Variants in GNA12 observed in about 807,000 individuals in gnomAD.
The protein encoded by GNA12 is guanine nucleotide-binding protein subunit alpha-12.
In GNA12, 9 loss-of-function variants were observed where a neutral mutation model predicts 26.0. That is an observed-to-expected ratio of 0.35 (90% CI 0.21 to 0.60). The LOEUF (loss-of-function observed/expected upper bound fraction) is 0.60. Ranked by LOEUF, GNA12 falls within the 20% of genes least tolerant of loss-of-function variation. The pLI is 0.78. For missense variants in GNA12, 405 were observed against 525.8 expected (o/e 0.77, Z 2.25); for synonymous variants, 264 against 219.6 (o/e 1.20, Z -1.79).
rs767909415 is a variant in GNA12, at chr7:2,843,975, G to A, written c.187C>T (p.Leu63=). 3.2e-6 allele frequency: 5 copies of A among 1,587,142 alleles called. No individual in the cohort carries two copies. Among genetic ancestry groups the A allele is most frequent in the Non-Finnish European group, 4.3e-6 (5 of 1,168,838 alleles). Residue 63 remains leucine, a synonymous_variant, in exon 1 of 4, where the codon CTG becomes TTG. Coordinates refer to ENST00000275364, the MANE Select transcript of GNA12 (RefSeq NM_007353.3). ...GACTTGCCGCTCTCGCCCGCGCCCA[G>A]CAGCAGGATCTTCACCAGGCGCCGG... ...AVRRLVKILL[L]GAGESGKSTF...
Position 2,844,134 on chromosome 7 carries a change from G to T in GNA12, c.28C>A (p.Arg10Ser). 1 of 986,986 alleles carries T rather than the reference G, an allele frequency of 1.0e-6. No individual in the cohort carries two copies. 61.1% of individuals were successfully genotyped at this position (986,986 alleles called of 1,614,324 possible). MSGVVRTLS[R>S]CLLPAEAGGA... is the part of the protein sequence containing the mutation. ...CCGGCCTCGGCCGGCAGCAGGCAGC[G>T]GCTGAGGGTCCGCACCACCCCGGAC... Residue 10 changes from arginine to serine, a missense_variant, in exon 1 of 4, where the codon CGC becomes AGC. Arg to Ser is a moderately radical substitution (Grantham distance 110). Transcript: ENST00000275364.
At chr7:2,768,409 C>G (rs541173039) in intron 2 of GNA12, among the ~76,000 whole-genome samples, 26 of 152,180 alleles carry the variant, frequency 1.7e-4, no homozygotes, top group African/African-American at 5.8e-4. Context: ...TAGCAAGCTA[C>G]GTTTTTCCTA....
At chr7:2,838,714 A>G (rs1320980550) in intron 1 of GNA12, among the ~76,000 whole-genome samples, 2 of 152,256 alleles carry the variant, frequency 1.3e-5, no homozygotes, top group Admixed American at 1.3e-4. Context: ...GGAGAAATAT[A>G]TATTATGAAA....
intron 1 of GNA12, among the ~76,000 whole-genome samples, chr7:2,825,093 CA>C (rs1227199465): frequency 6.6e-6 from 1 of 152,212 alleles, no homozygotes; most frequent in Non-Finnish European, 1.5e-5. Context: ...AGACTGCCAC[CA>C]AAAGACAGGT....
intron 2 of GNA12, among the ~76,000 whole-genome samples, chr7:2,743,909 G>A (rs1462345751): frequency 1.3e-5 from 2 of 152,128 alleles, no homozygotes; most frequent in South Asian, 4.2e-4. Flanking sequence ...CACCCAAGGA[G>A]TCTTGCTCAT....
intron 2 of GNA12, among the ~76,000 whole-genome samples, chr7:2,785,216 A>G (rs1195404523): frequency 6.6e-6 from 1 of 152,204 alleles, no homozygotes; most frequent in Non-Finnish European, 1.5e-5. Context: ...AGGAAAAGCA[A>G]GTGTCCCACC....
At chr7:2,760,098 T>C (rs139478185) in intron 2 of GNA12, among the ~76,000 whole-genome samples, 34 of 152,364 alleles carry the variant, frequency 2.2e-4, no homozygotes, top group Middle Eastern at 3.4e-3. Context: ...AAGGCCTCTG[T>C]TGGCAATGTG....
At chr7:2,749,674 A>T (rs1790933445) in intron 2 of GNA12, among the ~76,000 whole-genome samples, 2 of 151,930 alleles carry the variant, frequency 1.3e-5, no homozygotes, top group Admixed American at 6.6e-5. Context: ...TAATAAAATA[A>T]AAAAAAAGAA....
At chr7:2,818,719 C>G (rs1047965862) in intron 1 of GNA12, among the ~76,000 whole-genome samples, 7 of 150,430 alleles carry the variant, frequency 4.7e-5, no homozygotes, top group African/African-American at 1.7e-4. Flanking sequence ...GCCGAGATCG[C>G]GCCACTACAC....
intron 1 of GNA12, among the ~76,000 whole-genome samples, chr7:2,842,057 TAGAA>T (rs1025165338): frequency 8.5e-5 from 6 of 70,818 alleles, no homozygotes; most frequent in South Asian, 3.5e-4. Flanking sequence ...GGAAGGAAGG[TAGAA>T]AGAAAGGAAG....
At chr7:2,814,883 G>A (rs1416426957) in intron 1 of GNA12, 19 of 1,602,456 alleles carry the variant, frequency 1.2e-5, no homozygotes, top group East Asian at 2.3e-5. Context: ...TCACACGACT[G>A]CCAGGCATCC....
Position 2,731,748 on chromosome 7 carries a change from A to G in GNA12, c.579T>C (p.Asn193=). The G allele has an allele frequency of 1.3e-6, 2 of 1,498,952 alleles. No homozygotes were observed. Among genetic ancestry groups the G allele is most frequent in the Middle Eastern group, 1.8e-4 (1 of 5,610 alleles). 92.9% of individuals were successfully genotyped at this position (1,498,952 alleles called of 1,614,324 possible). A position where few individuals can be genotyped will look rare whatever the true frequency, so the allele number is the denominator to read the frequency against. Residue 193 remains asparagine, a splice_region_variant and synonymous_variant, in exon 4 of 4, where the codon AAT becomes AAC. Transcript: ENST00000275364. This position sits in a 1 kb window ranked among gnomAD's most constrained non-coding sequence, Gnocchi z 6.0. ...LDNLDRIGQL[N]YFPSKQDILL... ...GGATATCTTGCTTACTAGGAAAGTA[A>G]TTCTGTAAAATACAGGATGAGGCAG...
At chr7:2,766,532 C>T (rs1233269876) in intron 2 of GNA12, among the ~76,000 whole-genome samples, 1 of 151,922 alleles carries the variant, frequency 6.6e-6, no homozygotes, top group African/African-American at 2.4e-5. Context: ...ATTACAGGCA[C>T]CCACCACCAT....
chr7:2,763,063 C>G (rs939918484), intron 2 of GNA12: 1 of 1,246,284 alleles, frequency 8.0e-7, no homozygotes, highest in East Asian at 3.1e-5. Flanking sequence ...GGACGCAGAC[C>G]GGGGCTCCCT....
At chr7:2,819,149 T>C (rs1382234627) in intron 1 of GNA12, among the ~76,000 whole-genome samples, 5 of 152,122 alleles carry the variant, frequency 3.3e-5, no homozygotes, top group African/African-American at 1.2e-4. Flanking sequence ...CTGCTGGTTC[T>C]GAGTTGCAGG....
At chr7:2,782,475 T>C (rs1454614160) in intron 2 of GNA12, among the ~76,000 whole-genome samples, 5 of 152,204 alleles carry the variant, frequency 3.3e-5, no homozygotes, top group South Asian at 2.1e-4. Flanking sequence ...AGTTAAGCTC[T>C]CTTGTAGACA....
rs924735450 is a variant in GNA12, at chr7:2,731,020, G to C, written c.*161C>G. On this transcript the variant is annotated 3_prime_UTR_variant, in exon 4 of 4. Transcript: ENST00000275364. The surrounding 1 kb of genome is among the most constrained non-coding windows in gnomAD (Gnocchi z 6.0). ...GACAGTTTCCATGTCCTTTTGCCTA[G>C]AGCTCGCTGGCTGGCTGGTCTGACA... 3 of 567,970 alleles carry C rather than the reference G, an allele frequency of 5.3e-6. No individual in the cohort carries two copies. Among genetic ancestry groups the C allele is most frequent in the African/African-American group, 3.7e-5 (2 of 53,590 alleles). The allele number at this position is 567,970 out of a possible 1,614,324, so 35.2% of individuals were successfully genotyped here.
At chr7:2,772,438 T>C (rs2115422903) in intron 2 of GNA12, among the ~76,000 whole-genome samples, 1 of 152,118 alleles carries the variant, frequency 6.6e-6, no homozygotes, top group South Asian at 2.1e-4. Flanking sequence ...TGGGCACCTG[T>C]AGTCCCAGCT....
intron 2 of GNA12, among the ~76,000 whole-genome samples, chr7:2,735,846 G>A (rs1467992311): frequency 6.6e-6 from 1 of 152,180 alleles, no homozygotes. Context: ...CCACTGAACT[G>A]TAAGGTGCCA....
Sources: gnomAD v4.1 joint callset for allele counts (sites outside exome capture counted in the v4.1 genomes callset) on GRCh38, gnomAD v4.1.1 for gene constraint, Gnocchi (gnomAD v3.1) non-coding constraint, MANE v1.5 for transcripts, NCBI Gene and HGNC (gene_info 2026-07-23, HGNC 2026-07-21) for gene names.